Variants in PPFIA1 observed in about 807,000 individuals in gnomAD.
The protein encoded by PPFIA1 is PPFI scaffold protein A1, also known as liprin-alpha-1.
A neutral mutation model predicts 149.9 loss-of-function variants in PPFIA1; 25 were observed. The ratio of observed to expected loss-of-function variants is 0.17; its 90% CI spans 0.12 to 0.23. The LOEUF is 0.23. Ranked by LOEUF, PPFIA1 falls within the 10% of genes least tolerant of loss-of-function variation. The pLI, the probability that PPFIA1 is intolerant of heterozygous loss-of-function variation, is 1.00. For missense variants in PPFIA1, 1,362 were observed against 1,506.5 expected (o/e 0.90, Z 1.59); for synonymous variants, 549 against 552.8 (o/e 0.99, Z 0.10).
At chr11:70,272,080 C>A in intron 1 of PPFIA1, 93 bp from the exon 2 acceptor site, 1 of 1,355,600 alleles carries the variant, frequency 7.4e-7, no homozygotes, top group Non-Finnish European at 1.0e-6. Flanking sequence ...TGAGACTGCC[C>A]ATCTTTTTAG....
intron 2 of PPFIA1, among the ~76,000 whole-genome samples, chr11:70,302,068 C>T (rs2052521763): frequency 6.6e-6 from 1 of 152,228 alleles, no homozygotes; most frequent in South Asian, 2.1e-4. Context: ...GGTGGCTGTG[C>T]AGTGGCACAG....
intron 2 of PPFIA1, among the ~76,000 whole-genome samples, chr11:70,324,116 T>C (rs1368156519): frequency 2.6e-5 from 4 of 152,378 alleles, no homozygotes; most frequent in Non-Finnish European, 5.9e-5. Flanking sequence ...GAAAATGTTT[T>C]GGACTTCTCT....
chr11:70,283,490 A>C (rs376286964), intron 2 of PPFIA1, among the ~76,000 whole-genome samples: 3 of 152,170 alleles, frequency 2.0e-5, no homozygotes, highest in African/African-American at 7.2e-5. Flanking sequence ...CTTAGTGAAA[A>C]AGAAGTCTAC....
intron 14 of PPFIA1, among the ~76,000 whole-genome samples, chr11:70,340,731 A>C (rs470972): frequency 6.6e-6 from 1 of 151,334 alleles, no homozygotes; most frequent in Non-Finnish European, 1.5e-5. Context: ...TGTGTTGACT[A>C]TTGGTGTGGA....
At chr11:70,332,216 G>A in intron 9 of PPFIA1, 122 bp downstream of exon 9, 1 of 1,210,802 alleles carries the variant, frequency 8.3e-7, no homozygotes, top group Non-Finnish European at 1.1e-6. Context: ...GCACGGATTT[G>A]GTTTGAGTGC....
chr11:70,316,024 A>T (rs2053604886), intron 2 of PPFIA1, among the ~76,000 whole-genome samples: 1 of 151,754 alleles, frequency 6.6e-6, no homozygotes, highest in African/African-American at 2.4e-5. Flanking sequence ...AACATCCTCA[A>T]GGTTCACCCA....
intron 21 of PPFIA1, chr11:70,364,501 C>G (rs1185355784): frequency 6.6e-6 from 1 of 152,206 alleles, no homozygotes. Flanking sequence ...CACATTTCTC[C>G]AAGGAGCACG....
rs764363017 is a variant in PPFIA1, at chr11:70,376,553, G to T, written c.3337G>T (p.Glu1113Ter). ...TCAGGCTCGTGCTGTCTTGGAAAGA[G>T]AATTTAACAACCTTTTGGTCATGGG... The part of the protein sequence containing the change: ...NTQARAVLER[E>*]FNNLLVMGTD... Residue 1113 changes from glutamate (E) to a stop codon, truncating the protein, a stop_gained, in exon 25 of 28, where the codon GAA becomes TAA. Coordinates refer to ENST00000253925, the MANE Select transcript of PPFIA1 (RefSeq NM_003626.5). LOFTEE classifies it high-confidence loss of function. 1 of 1,614,034 alleles carries T rather than the reference G, an allele frequency of 6.2e-7. No homozygotes were observed. The highest frequency in any genetic ancestry group is 1.7e-5 in the Admixed American group (1 of 60,028).
intron 19 of PPFIA1, among the ~76,000 whole-genome samples, chr11:70,359,299 C>T (rs1482336219): frequency 3.3e-5 from 5 of 152,164 alleles, no homozygotes; most frequent in African/African-American, 1.2e-4. Context: ...CAGGCATGAG[C>T]CACCACACCT....
At chr11:70,353,201 C>G (rs2056170523) in intron 16 of PPFIA1, among the ~76,000 whole-genome samples, 1 of 152,130 alleles carries the variant, frequency 6.6e-6, no homozygotes, top group African/African-American at 2.4e-5. Flanking sequence ...TTTACACAAT[C>G]CCATTTAAGA....
intron 2 of PPFIA1, among the ~76,000 whole-genome samples, chr11:70,297,898 C>T (rs1219832134): frequency 1.3e-5 from 2 of 152,194 alleles, no homozygotes; most frequent in African/African-American, 4.8e-5. Flanking sequence ...GGAAGAGGCT[C>T]AGATGCTGGG....
At chr11:70,372,186 AACTG>A (rs1466120741) in intron 21 of PPFIA1, 25 bp from the exon 22 acceptor site, 2 of 1,581,734 alleles carry the variant, frequency 1.3e-6, no homozygotes, top group Non-Finnish European at 1.7e-6. Context: ...CTTCCTCTGT[AACTG>A]ACCTTTTCCA....
intron 2 of PPFIA1, among the ~76,000 whole-genome samples, chr11:70,310,247 A>G (rs2053167424): frequency 6.6e-6 from 1 of 152,200 alleles, no homozygotes; most frequent in African/African-American, 2.4e-5. Flanking sequence ...TGAAGAGACC[A>G]CGTCTTGAAT....
At chr11:70,332,801 C>T (rs957420857) in intron 9 of PPFIA1, among the ~76,000 whole-genome samples, 4 of 152,278 alleles carry the variant, frequency 2.6e-5, no homozygotes, top group Admixed American at 2.0e-4. Context: ...AGCTGAGGCC[C>T]CTGTCTGTCG....
intron 23 of PPFIA1, 124 bp downstream of exon 23, chr11:70,372,698 T>A: frequency 2.9e-6 from 2 of 699,332 alleles, no homozygotes; most frequent in South Asian, 1.8e-5. Context: ...AACTAACTAG[T>A]CTAGTGTCAT....
Position 70,324,970 on chromosome 11 carries a change from C to T in PPFIA1, c.490C>T (p.Leu164=), listed in dbSNP as rs2054174537. Residue 164 remains leucine, a synonymous_variant, in exon 4 of 28, where the codon CTG becomes TTG. Transcript: ENST00000253925. ...VSSEVEVLKA[L]KSLFEHHKAL... Reference sequence around the variant, plus strand: ...CAGCGAAGTGGAAGTGCTGAAAGCACTGAAGTCCTTATTTGAACACCACAA... The same window carrying T: ...CAGCGAAGTGGAAGTGCTGAAAGCATTGAAGTCCTTATTTGAACACCACAA... 6.2e-7 allele frequency: 1 copy of T among 1,613,304 alleles called. No individual in the cohort carries two copies. Among genetic ancestry groups the T allele is most frequent in the African/African-American group, 1.3e-5 (1 of 74,892 alleles).
chr11:70,281,021 G>T (rs975127050), intron 2 of PPFIA1, among the ~76,000 whole-genome samples: 3 of 151,978 alleles, frequency 2.0e-5, no homozygotes, highest in Non-Finnish European at 4.4e-5. Flanking sequence ...TACTATTCTA[G>T]TTCTCTAGTG....
At chr11:70,319,399 G>T (rs627079) in intron 2 of PPFIA1, among the ~76,000 whole-genome samples, 45,813 of 152,158 alleles carry the variant, frequency 0.3, 11,332 homozygotes, top group African/African-American at 0.68. Context: ...CTTTGAAAAC[G>T]GGTGAAGGGC....
In PPFIA1 at chr11:70,372,527, G is replaced by A. The variant is rs754825169; in HGVS notation, c.3092G>A (p.Arg1031Gln). ...TGCCTGAGAAGGTTAAATTATGACCGGAAAGAACTGGAAAGAAAAAGAGAA... is the reference window on the plus strand; with the variant it reads ...TGCCTGAGAAGGTTAAATTATGACCAGAAAGAACTGGAAAGAAAAAGAGAA... ...IMCLRRLNYD[R>Q]KELERKREES... is the part of the protein sequence containing the mutation. The change falls in exon 23 of 28, where the codon CGG (arginine) becomes CAG (glutamine). Residue 1031 changes from arginine (R) to glutamine (Q), a missense_variant. Physicochemically the swap from Arg to Gln is conservative, Grantham distance 43. Around this residue, in one of 7 missense-constraint regions of PPFIA1, gnomAD observed 349 missense variants for 373.3 expected, o/e 0.93. Transcript: ENST00000253925. The A allele has an allele frequency of 1.4e-5, 23 of 1,613,374 alleles. No individual in the cohort carries two copies. Among genetic ancestry groups the A allele is most frequent in the African/African-American group, 2.7e-5 (2 of 74,898 alleles).
Sources: gnomAD v4.1 joint callset for allele counts (sites outside exome capture counted in the v4.1 genomes callset) on GRCh38, gnomAD v4.1.1 for gene constraint, gnomAD v4.1.1 regional missense constraint, MANE v1.5 for transcripts, NCBI Gene and HGNC (gene_info 2026-07-23, HGNC 2026-07-21) for gene names.